The following IKZF1 variants were observed in gnomAD, a reference collection of about 807,000 sequenced individuals.
IKZF1 encodes DNA-binding protein Ikaros.
A neutral mutation model predicts 51.7 loss-of-function variants in IKZF1; 10 were observed. The observed-to-expected ratio is 0.19, with a 90% CI of 0.12 to 0.33. The LOEUF is 0.33. Among genes scored for constraint, IKZF1 ranks in the 10% least tolerant of loss-of-function variants. The pLI is 1.00. For missense variants in IKZF1, 484 were observed against 707.5 expected (o/e 0.68, Z 3.58); for synonymous variants, 280 against 282.3 (o/e 0.99, Z 0.08).
rs138406083 is a variant in IKZF1 at position 50,376,203 on chromosome 7, C to T, written c.161-330C>T. On this transcript the variant is annotated intron_variant, in intron 3 of 7. Transcript: ENST00000331340. This position sits in a 1 kb window ranked among gnomAD's most constrained non-coding sequence, Gnocchi z 4.5. The stretch of plus-strand genomic sequence containing the variant: ...GGAGTAGGCCTCAGACCACTCCTGA[C>T]GTGAACCTGCTTAAAGTGAGGGCCC... Among the ~76,000 whole-genome samples the T allele has an allele frequency of 4.1e-4, 62 of 152,318 alleles. No homozygotes were observed. In the East Asian group the frequency reaches 0.01, roughly 25 times the overall value.
chr7:50,394,587 C>T (rs1816150386), intron 7 of IKZF1, among the ~76,000 whole-genome samples: 4 of 152,072 alleles, frequency 2.6e-5, no homozygotes, highest in Admixed American at 2.6e-4. Flanking sequence ...GGTCTGTTGC[C>T]CTGCCTCCTC....
chr7:50,312,357 C>T (rs933698234), intron 1 of IKZF1, among the ~76,000 whole-genome samples: 10 of 152,116 alleles, frequency 6.6e-5, no homozygotes, highest in Admixed American at 5.9e-4. Flanking sequence ...CTCTCCTCTC[C>T]GTGTGAACCG....
intron 3 of IKZF1, among the ~76,000 whole-genome samples, chr7:50,353,499 A>T (rs1029952168): frequency 6.6e-6 from 1 of 151,732 alleles, no homozygotes; most frequent in Non-Finnish European, 1.5e-5. Flanking sequence ...CTCTATCCTC[A>T]CCTCCTGCCA....
rs116556348 is a variant in IKZF1, at chr7:50,387,537, C to T, written c.715+67C>T. 2,444 of 1,526,206 alleles carry T rather than the reference C, an allele frequency of 1.6e-3. 34 individuals carry two copies. In the African/African-American group the frequency reaches 0.03, roughly 19 times the overall value. 94.5% of individuals were successfully genotyped at this position (1,526,206 alleles called of 1,614,324 possible). A position where few individuals can be genotyped will look rare whatever the true frequency, so the allele number is the denominator to read the frequency against. On this transcript the variant is annotated intron_variant, in intron 6 of 7. Coordinates refer to ENST00000331340, the MANE Select transcript of IKZF1 (RefSeq NM_006060.6). The stretch of plus-strand genomic sequence containing the variant: ...CCCAGCACGGTGGGGAAGGAGGGCG[C>T]TCTGCATGCAGCCTTAGGAGCAGAG...
In IKZF1 at chr7:50,402,608, C is replaced by A; in HGVS notation, c.*1981C>A. 1 of 231,848 alleles carries A rather than the reference C, an allele frequency of 4.3e-6. No homozygotes were observed. The highest frequency in any genetic ancestry group is 8.5e-6 in the Non-Finnish European group (1 of 117,058). 14.4% of individuals were successfully genotyped at this position (231,848 alleles called of 1,614,324 possible). A position where few individuals can be genotyped will look rare whatever the true frequency, so the allele number is the denominator to read the frequency against. On this transcript the variant is annotated 3_prime_UTR_variant, in exon 8 of 8. Transcript: ENST00000331340. ...GAATATTCCCAATATTCCCGGTCAG[C>A]AGTATCAAGGCTGACTTGTGTTCAT...
At chr7:50,342,321 G>A (rs1799240327) in intron 3 of IKZF1, among the ~76,000 whole-genome samples, 1 of 152,222 alleles carries the variant, frequency 6.6e-6, no homozygotes. Context: ...TCAAAGCTAA[G>A]TAGCTGAATT....
Position 50,376,247 on chromosome 7 carries a change from A to G in IKZF1, c.161-286A>G, listed in dbSNP as rs1032420510. Reference sequence around the variant, plus strand: ...AGGGCCCAATTCTAAAGTGGGAACTATGTAAATACCTTTCTAGTGCATTTT... The same window carrying G: ...AGGGCCCAATTCTAAAGTGGGAACTGTGTAAATACCTTTCTAGTGCATTTT... On this transcript the variant is annotated intron_variant, in intron 3 of 7. Coordinates refer to ENST00000331340, the MANE Select transcript of IKZF1 (RefSeq NM_006060.6). This position sits in a 1 kb window ranked among gnomAD's most constrained non-coding sequence, Gnocchi z 4.5. Among the ~76,000 whole-genome samples the G allele has an allele frequency of 6.6e-6, 1 of 152,246 alleles. No homozygotes were observed. Among genetic ancestry groups the G allele is most frequent in the African/African-American group, 2.4e-5 (1 of 41,460 alleles).
At chr7:50,318,252 C>G (rs1792107905) in intron 1 of IKZF1, among the ~76,000 whole-genome samples, 1 of 152,032 alleles carries the variant, frequency 6.6e-6, no homozygotes, top group Admixed American at 6.5e-5. Flanking sequence ...GTGGAACATT[C>G]ACTATGGTCA....
rs1246462174 is a variant in IKZF1, at chr7:50,403,582, G to A, written c.*2955G>A. 1.7e-5 allele frequency: 4 copies of A among 229,392 alleles called. No individual in the cohort carries two copies. The East Asian group carries it at 1.8e-4, about 11-fold the overall frequency. The allele number at this position is 229,392 out of a possible 1,614,324, so 14.2% of individuals were successfully genotyped here. On this transcript the variant is annotated 3_prime_UTR_variant, in exon 8 of 8. Transcript: ENST00000331340. ...CAGCTCCTTGCCCCATATCCCTTCT[G>A]TAATTTGTACCTAAAGAGTGTGATT...
At chr7:50,385,474 G>C (rs1813101447) in intron 5 of IKZF1, among the ~76,000 whole-genome samples, 1 of 152,212 alleles carries the variant, frequency 6.6e-6, no homozygotes, top group African/African-American at 2.4e-5. Flanking sequence ...GCAAGAGGGT[G>C]CTGGGGGAGC....
At chr7:50,314,371 A>T (rs950284663) in intron 1 of IKZF1, among the ~76,000 whole-genome samples, 2 of 152,160 alleles carry the variant, frequency 1.3e-5, no homozygotes, top group Admixed American at 1.3e-4. Flanking sequence ...CGGCCTCCCA[A>T]AGTGCTGGGA....
intron 2 of IKZF1, among the ~76,000 whole-genome samples, chr7:50,326,611 T>A (rs777713964): frequency 3.3e-5 from 5 of 152,202 alleles, no homozygotes; most frequent in Non-Finnish European, 7.4e-5. Flanking sequence ...GCTAGAACCT[T>A]TGGTCAAATA....
chr7:50,354,733 C>A (rs537459079), intron 3 of IKZF1, among the ~76,000 whole-genome samples: 2 of 152,162 alleles, frequency 1.3e-5, no homozygotes, highest in East Asian at 3.9e-4. Context: ...TTTAAAGTAA[C>A]CAACCCATAC....
chr7:50,355,115 C>A (rs978195363), intron 3 of IKZF1, among the ~76,000 whole-genome samples: 1 of 152,094 alleles, frequency 6.6e-6, no homozygotes, highest in African/African-American at 2.4e-5. Flanking sequence ...GCCTCAGTCT[C>A]CATCAGGCAA....
chr7:50,342,441 TGAGG>T (rs1261776120), intron 3 of IKZF1, among the ~76,000 whole-genome samples: 1 of 152,218 alleles, frequency 6.6e-6, no homozygotes, highest in Non-Finnish European at 1.5e-5. Context: ...ATTTTTGAAA[TGAGG>T]TAGCTGCTTT....
At chr7:50,351,268 A>G (rs1403314634) in intron 3 of IKZF1, among the ~76,000 whole-genome samples, 2 of 152,230 alleles carry the variant, frequency 1.3e-5, no homozygotes, top group Non-Finnish European at 2.9e-5. Context: ...TTTTAATTTT[A>G]AAAAGTCACT....
chr7:50,316,956 G>A (rs998104132), intron 1 of IKZF1, among the ~76,000 whole-genome samples: 1 of 152,214 alleles, frequency 6.6e-6, no homozygotes, highest in Non-Finnish European at 1.5e-5. Flanking sequence ...TGATGGTGGT[G>A]TGTATTTGTT....
At chr7:50,308,790 G>A (rs1025819684) in intron 1 of IKZF1, 1 of 152,394 alleles carries the variant, frequency 6.6e-6, no homozygotes, top group South Asian at 2.1e-4. Flanking sequence ...CAGGCACCAA[G>A]ATCCCTCCCA....
At chr7:50,370,339 C>G (rs544735246) in intron 3 of IKZF1, among the ~76,000 whole-genome samples, 1 of 152,322 alleles carries the variant, frequency 6.6e-6, no homozygotes, top group Admixed American at 6.5e-5. Context: ...TAACAGTGTA[C>G]ATTATACCTA....
Sources: gnomAD v4.1 joint callset for allele counts (sites outside exome capture counted in the v4.1 genomes callset) on GRCh38, gnomAD v4.1.1 for gene constraint, Gnocchi (gnomAD v3.1) non-coding constraint, MANE v1.5 for transcripts, NCBI Gene and HGNC (gene_info 2026-07-23, HGNC 2026-07-21) for gene names.